Variants in ATP10B observed in about 807,000 individuals in gnomAD.
ATP10B encodes the protein ATPase phospholipid transporting 10B (putative), also known as phospholipid-transporting ATPase VB.
ATP10B carries 122 observed loss-of-function variants against 141.2 expected under a neutral mutation model. The observed-to-expected ratio is 0.86, with a 90% CI of 0.75 to 1.00. The LOEUF (loss-of-function observed/expected upper bound fraction) is 1.00, where lower values mean the gene tolerates loss of function less well. ATP10B is among the 50% of genes least tolerant of loss of function. The probability of loss-of-function intolerance (pLI) is 0.00; values close to 1 mark genes in which losing one functional copy is unlikely to be tolerated. For missense variants in ATP10B, 1,876 were observed against 1,825.3 expected (o/e 1.03, Z -0.51); for synonymous variants, 685 against 692.0 (o/e 0.99, Z 0.16).
At chr5:160,603,407 G>A (rs1757207974) in intron 20 of ATP10B, 1 of 155,184 alleles carries the variant, frequency 6.4e-6, no homozygotes, top group Non-Finnish European at 1.4e-5. Context: ...GGCCCAGGAT[G>A]GCTTTGAATG....
chr5:160,716,876 G>T (rs1765694939), intron 3 of ATP10B, 33 bp downstream of exon 3: 3 of 983,734 alleles, frequency 3.0e-6, no homozygotes, highest in Non-Finnish European at 3.6e-6. Flanking sequence ...ATAGGAAAAG[G>T]AAAGAAACGG....
intron 3 of ATP10B, chr5:160,691,750 A>T (rs1764088787): frequency 6.6e-6 from 1 of 152,138 alleles, no homozygotes. Flanking sequence ...CGTCAATCCA[A>T]CTGATTTTCA....
At chr5:160,879,880 A>G in the ATP10B span, among the ~76,000 whole-genome samples, 1 of 152,092 alleles carries the variant, frequency 6.6e-6, no homozygotes, top group South Asian at 2.1e-4. Context: ...TCTGGAACTA[A>G]TAAGTGATTG....
At chr5:160,906,509 T>G in the ATP10B span, among the ~76,000 whole-genome samples, 483 of 152,330 alleles carry the variant, frequency 3.2e-3, 3 homozygotes, top group African/African-American at 0.011. Flanking sequence ...TCCTCTCACC[T>G]CTTTCCTGTC....
At chr5:160,697,588 A>G (rs1426413588) in intron 3 of ATP10B, among the ~76,000 whole-genome samples, 2 of 144,442 alleles carry the variant, frequency 1.4e-5, no homozygotes, top group African/African-American at 5.0e-5. Context: ...ATTAAGAAGA[A>G]ATGTATGCAG....
the ATP10B span, among the ~76,000 whole-genome samples, chr5:160,866,308 A>T: frequency 6.6e-6 from 1 of 152,138 alleles, no homozygotes; most frequent in Non-Finnish European, 1.5e-5. Flanking sequence ...GTAACTCAGG[A>T]ATAGAAAATA....
At chr5:160,928,490 C>T in the ATP10B span, among the ~76,000 whole-genome samples, 1 of 152,228 alleles carries the variant, frequency 6.6e-6, no homozygotes, top group Admixed American at 6.5e-5. Context: ...CAAATATGGC[C>T]TCATCGACTG....
intron 3 of ATP10B, among the ~76,000 whole-genome samples, chr5:160,692,130 G>A (rs1333608356): frequency 6.6e-6 from 1 of 152,162 alleles, no homozygotes; most frequent in African/African-American, 2.4e-5. Flanking sequence ...ATTTTCGGTG[G>A]AGTAGGATTA....
chr5:160,610,391 T>C (rs116255915), intron 18 of ATP10B, among the ~76,000 whole-genome samples: 2,195 of 152,252 alleles, frequency 0.014, 54 homozygotes, highest in African/African-American at 0.049. Flanking sequence ...CACCCACCTG[T>C]TGAGCCGTCA....
chr5:160,725,206 C>T (rs989572532), intron 2 of ATP10B, among the ~76,000 whole-genome samples: 1 of 152,126 alleles, frequency 6.6e-6, no homozygotes, highest in African/African-American at 2.4e-5. Flanking sequence ...GATATACTTA[C>T]AGGGGAAGAA....
chr5:160,673,523 AT>A (rs1255282248), intron 6 of ATP10B, among the ~76,000 whole-genome samples: 1 of 31,882 alleles, frequency 3.1e-5, no homozygotes, highest in Non-Finnish European at 5.9e-5. Context: ...TAATCATTCT[AT>A]TTTGTTTTGT....
chr5:160,650,279 T>C (rs1272136156), intron 7 of ATP10B, among the ~76,000 whole-genome samples: 1 of 152,070 alleles, frequency 6.6e-6, no homozygotes, highest in East Asian at 1.9e-4. Flanking sequence ...TACATGTGTA[T>C]TTACACATTT....
chr5:160,613,811 T>A (rs970164344), intron 17 of ATP10B: 5 of 152,208 alleles, frequency 3.3e-5, no homozygotes, highest in African/African-American at 1.2e-4. Flanking sequence ...TATTGAATAG[T>A]TGCTAAGTGA....
At chr5:160,621,961 G>A (rs1758371988) in intron 14 of ATP10B, among the ~76,000 whole-genome samples, 1 of 152,206 alleles carries the variant, frequency 6.6e-6, no homozygotes, top group South Asian at 2.1e-4. Context: ...CCATTTATGA[G>A]CCATATGTCC....
chr5:160,611,950 G>A (rs1255843972), intron 18 of ATP10B: 4 of 152,210 alleles, frequency 2.6e-5, no homozygotes, highest in East Asian at 1.9e-4. Context: ...AAGATGTGGT[G>A]GAACTTTACC....
chr5:160,818,038 TA>T (rs1378658417), intron 1 of ATP10B, among the ~76,000 whole-genome samples: 1 of 152,094 alleles, frequency 6.6e-6, no homozygotes, highest in Non-Finnish European at 1.5e-5. Flanking sequence ...CTTAAAACCA[TA>T]AAAACCCTAG....
At position 160,688,088 on chromosome 5, in the gene ATP10B, C is replaced by T. The variant is rs373289457; in HGVS notation, c.-14G>A. On this transcript the variant is annotated 5_prime_UTR_variant, in exon 5 of 26. Transcript: ENST00000327245. ...TGAGAGGGCCATTTCCAGCAGCAGG[C>T]GAAGATCTGAAAACAGACACAGGAG... is the stretch of plus-strand genomic sequence containing the variant. 13 of 1,607,382 alleles carry T rather than the reference C, an allele frequency of 8.1e-6. No homozygotes were observed. Among genetic ancestry groups the T allele is most frequent in the African/African-American group, 2.7e-5 (2 of 74,758 alleles).
At chr5:160,695,787 C>T (rs1561764266) in intron 3 of ATP10B, among the ~76,000 whole-genome samples, 1 of 151,822 alleles carries the variant, frequency 6.6e-6, no homozygotes, top group Non-Finnish European at 1.5e-5. Context: ...ATATAAAACC[C>T]TGATATTAGA....
intron 1 of ATP10B, among the ~76,000 whole-genome samples, chr5:160,792,377 G>A (rs1403625264): frequency 6.6e-6 from 1 of 152,112 alleles, no homozygotes; most frequent in Admixed American, 6.6e-5. Flanking sequence ...CTGGATCTAA[G>A]TGTTATCTGG....
Sources: allele counts gnomAD v4.1 joint callset (sites outside exome capture counted in the v4.1 genomes callset), GRCh38; gene constraint gnomAD v4.1.1; transcripts MANE v1.5; gene names NCBI Gene and HGNC (gene_info 2026-07-23, HGNC 2026-07-21).